Variants in SEMA6D observed in about 807,000 individuals in gnomAD.
The protein encoded by SEMA6D is semaphorin 6D.
Under a neutral mutation model 106.6 loss-of-function variants are expected in SEMA6D, and 35 were observed. The ratio of observed to expected loss-of-function variants is 0.33; its 90% CI spans 0.25 to 0.44. SEMA6D has a LOEUF of 0.44. Ranked by LOEUF, SEMA6D falls within the 20% of genes least tolerant of loss-of-function variation. SEMA6D has a pLI of 1.00. For synonymous variants in SEMA6D, 499 were observed against 487.7 expected, an observed-to-expected ratio of 1.02 and a Z score of -0.31; for missense variants, 1,185 against 1,345.9, an observed-to-expected ratio of 0.88 and a Z score of 1.87.
chr15:47,320,654 A>G (rs1392313257), intron 1 of SEMA6D, among the ~76,000 whole-genome samples: 1 of 152,080 alleles, frequency 6.6e-6, no homozygotes, highest in Non-Finnish European at 1.5e-5. Flanking sequence ...TACTAACTTA[A>G]TGCATGCCAT....
intron 1 of SEMA6D, among the ~76,000 whole-genome samples, chr15:47,330,245 T>C (rs1457523022): frequency 6.6e-6 from 1 of 152,222 alleles, no homozygotes; most frequent in Non-Finnish European, 1.5e-5. Context: ...GTCATCTCTG[T>C]ATGTATGTAT....
At chr15:47,243,836 A>G (rs1028312814) in intron 1 of SEMA6D, among the ~76,000 whole-genome samples, 1 of 152,130 alleles carries the variant, frequency 6.6e-6, no homozygotes, top group Non-Finnish European at 1.5e-5. Context: ...TAATCCGCTC[A>G]TTCATTTATT....
At chr15:47,322,646 C>T (rs1288550902) in intron 1 of SEMA6D, among the ~76,000 whole-genome samples, 1 of 152,006 alleles carries the variant, frequency 6.6e-6, no homozygotes, top group African/African-American at 2.4e-5. Context: ...CTGGGTTTCT[C>T]CACTGTGAAG....
intron 3 of SEMA6D, among the ~76,000 whole-genome samples, chr15:47,497,354 A>G (rs1471019276): frequency 1.3e-5 from 2 of 151,950 alleles, no homozygotes. Context: ...CTCTTCTCCA[A>G]GCTGATGCCT....
At chr15:47,660,881 A>G (rs1038618412) in intron 4 of SEMA6D, among the ~76,000 whole-genome samples, 1 of 152,338 alleles carries the variant, frequency 6.6e-6, no homozygotes, top group Non-Finnish European at 1.5e-5. Context: ...AAAAGCAAGC[A>G]AAGTCTGCTG....
At chr15:47,622,102 G>C (rs2077112585) in intron 4 of SEMA6D, among the ~76,000 whole-genome samples, 1 of 151,746 alleles carries the variant, frequency 6.6e-6, no homozygotes, top group African/African-American at 2.4e-5. Flanking sequence ...GTAGATTGCT[G>C]GTGGTTGAGG....
intron 3 of SEMA6D, among the ~76,000 whole-genome samples, chr15:47,544,012 C>T (rs1017203881): frequency 6.6e-6 from 1 of 152,070 alleles, no homozygotes; most frequent in Admixed American, 6.6e-5. Flanking sequence ...AGAAGCTTTC[C>T]TATTCATCTC....
At chr15:47,463,509 T>C (rs2042573747) in intron 2 of SEMA6D, among the ~76,000 whole-genome samples, 1 of 152,186 alleles carries the variant, frequency 6.6e-6, no homozygotes, top group African/African-American at 2.4e-5. Flanking sequence ...TTGCAATGTA[T>C]TTCCAAAGAA....
intron 3 of SEMA6D, among the ~76,000 whole-genome samples, chr15:47,562,354 A>G (rs957137981): frequency 2.6e-5 from 4 of 152,130 alleles, no homozygotes; most frequent in African/African-American, 9.6e-5. Context: ...AAATTCTAGG[A>G]GAAAACTTAT....
At chr15:47,190,894 G>A (rs1893915632) in intron 1 of SEMA6D, among the ~76,000 whole-genome samples, 1 of 152,152 alleles carries the variant, frequency 6.6e-6, no homozygotes, top group East Asian at 1.9e-4. Context: ...CCTTGATTGG[G>A]TGAGGTGGCT....
rs2039057668 is a variant in SEMA6D, at chr15:47,367,105, G to A, written c.-238-45288G>A. ...AATTAATAATAGCATCTGCCTCATA[G>A]AGTTGGGGTGAGTTTGACATGAGAC... On this transcript the variant is annotated intron_variant, in intron 1 of 19. Transcript: ENST00000558014. Among the ~76,000 whole-genome samples, 4 of 152,186 alleles carry A rather than the reference G, an allele frequency of 2.6e-5. No homozygotes were observed. In the South Asian group the frequency reaches 8.3e-4, roughly 32 times the overall value.
At chr15:47,292,292 C>A (rs2035621717) in intron 1 of SEMA6D, among the ~76,000 whole-genome samples, 1 of 152,006 alleles carries the variant, frequency 6.6e-6, no homozygotes, top group Non-Finnish European at 1.5e-5. Context: ...AAAAAAGAAA[C>A]CTGTAAATGT....
At chr15:47,213,669 A>G (rs907543461) in intron 1 of SEMA6D, among the ~76,000 whole-genome samples, 1 of 152,146 alleles carries the variant, frequency 6.6e-6, no homozygotes, top group Admixed American at 6.6e-5. Flanking sequence ...ATTTTATTTT[A>G]CTACAAAATC....
chr15:47,309,452 T>A (rs2036359077), intron 1 of SEMA6D, among the ~76,000 whole-genome samples: 1 of 152,186 alleles, frequency 6.6e-6, no homozygotes, highest in African/African-American at 2.4e-5. Context: ...ACCCTCATTT[T>A]ACTTAATAAT....
At chr15:47,475,019 A>G (rs767800722) in intron 3 of SEMA6D, among the ~76,000 whole-genome samples, 6 of 152,182 alleles carry the variant, frequency 3.9e-5, no homozygotes, top group African/African-American at 7.2e-5. Flanking sequence ...GTCCCTGCTG[A>G]CATTTCATTG....
intron 2 of SEMA6D, among the ~76,000 whole-genome samples, chr15:47,435,625 A>T (rs2041677371): frequency 6.6e-6 from 1 of 152,066 alleles, no homozygotes; most frequent in Admixed American, 6.6e-5. Flanking sequence ...CTCTTGAGAG[A>T]TGCAAGATGC....
At chr15:47,389,277 G>A (rs1331377109) in intron 1 of SEMA6D, among the ~76,000 whole-genome samples, 11 of 152,164 alleles carry the variant, frequency 7.2e-5, no homozygotes, top group South Asian at 2.1e-4. Flanking sequence ...CACATATTAA[G>A]CATCATATAA....
intron 1 of SEMA6D, among the ~76,000 whole-genome samples, chr15:47,355,452 G>T (rs2038528274): frequency 6.6e-6 from 1 of 152,124 alleles, no homozygotes; most frequent in Non-Finnish European, 1.5e-5. Flanking sequence ...TCAGAAGTGG[G>T]AAAAATAATT....
At chr15:47,220,025 T>G (rs1334593000) in intron 1 of SEMA6D, among the ~76,000 whole-genome samples, 1 of 152,190 alleles carries the variant, frequency 6.6e-6, no homozygotes, top group Non-Finnish European at 1.5e-5. Flanking sequence ...GGCAGTGTTC[T>G]AAGAGAGTGA....
Sources: gnomAD v4.1 joint callset for allele counts (sites outside exome capture counted in the v4.1 genomes callset) on GRCh38, gnomAD v4.1.1 for gene constraint, MANE v1.5 for transcripts, NCBI Gene and HGNC (gene_info 2026-07-23, HGNC 2026-07-21) for gene names.